The following KCNMB2 variants were observed in gnomAD, a reference collection of about 807,000 sequenced individuals.
The protein encoded by KCNMB2 is calcium-activated potassium channel subunit beta-2.
A neutral mutation model predicts 24.5 loss-of-function variants in KCNMB2; 9 were observed. The ratio of observed to expected loss-of-function variants is 0.37; its 90% CI spans 0.22 to 0.64. The LOEUF is 0.64. Among genes scored for constraint, KCNMB2 ranks in the 30% least tolerant of loss-of-function variants. KCNMB2 has a pLI of 0.63. For synonymous variants in KCNMB2, 109 were observed against 104.4 expected (o/e 1.04, Z -0.27); for missense variants, 226 against 284.3 (o/e 0.79, Z 1.47).
At chr3:178,784,164 T>C (rs139421808) in intron 1 of KCNMB2, among the ~76,000 whole-genome samples, 136 of 152,324 alleles carry the variant, frequency 8.9e-4, no homozygotes, top group African/African-American at 3.0e-3. Context: ...ACCAAATCTG[T>C]TCTTTTGGGA....
chr3:178,729,299 C>T (rs6763051), intron 1 of KCNMB2: 73,829 of 151,814 alleles, frequency 0.49, 18,422 homozygotes, highest in African/African-American at 0.61. Context: ...CTGGGCTGTG[C>T]TTCATGTACC....
At chr3:178,805,488 G>A (rs1224465564) in intron 1 of KCNMB2, among the ~76,000 whole-genome samples, 1 of 152,182 alleles carries the variant, frequency 6.6e-6, no homozygotes, top group Non-Finnish European at 1.5e-5. Context: ...CACTTATTAT[G>A]AGTGCATGCT....
chr3:178,733,678 G>C (rs1305929753), intron 1 of KCNMB2, among the ~76,000 whole-genome samples: 1 of 151,788 alleles, frequency 6.6e-6, no homozygotes, highest in Non-Finnish European at 1.5e-5. Flanking sequence ...ATGGGGTTTC[G>C]CCATGTTAGC....
chr3:178,540,016 T>C (rs1477564694), intron 1 of KCNMB2, among the ~76,000 whole-genome samples: 1 of 152,172 alleles, frequency 6.6e-6, no homozygotes, highest in Non-Finnish European at 1.5e-5. Context: ...TACTTACATA[T>C]CCAACTACCT....
At chr3:178,706,453 G>A (rs1298009569) in intron 1 of KCNMB2, among the ~76,000 whole-genome samples, 1 of 152,068 alleles carries the variant, frequency 6.6e-6, no homozygotes, top group African/African-American at 2.4e-5. Flanking sequence ...CACATTTGGA[G>A]CATTTAGAAG....
At chr3:178,601,147 G>C (rs1382389794) in intron 1 of KCNMB2, among the ~76,000 whole-genome samples, 1 of 126,552 alleles carries the variant, frequency 7.9e-6, no homozygotes, top group Non-Finnish European at 1.6e-5. Context: ...TGAACAATGA[G>C]AACATATGGG....
rs1714025174 is a variant in KCNMB2 at position 178,807,575 on chromosome 3, G to C, written c.56+110G>C. On this transcript the variant is annotated intron_variant, in intron 2 of 4. Transcript: ENST00000452583. ...ACTGAGCCTTATGCTTTGCAATGTG[G>C]GGACAGACTCTACAGTACAGGAGTA... The C allele has an allele frequency of 5.6e-6, 5 of 889,598 alleles. No individual in the cohort carries two copies. In the South Asian group the frequency reaches 7.2e-5, roughly 13 times the overall value. 55.1% of individuals were successfully genotyped at this position (889,598 alleles called of 1,614,324 possible).
chr3:178,649,443 C>A (rs1195890247), intron 1 of KCNMB2, among the ~76,000 whole-genome samples: 1 of 151,766 alleles, frequency 6.6e-6, no homozygotes, highest in Non-Finnish European at 1.5e-5. Flanking sequence ...CCAACATCAT[C>A]TATAGAATTT....
rs151253820 is a variant in KCNMB2 at position 178,651,118 on chromosome 3, G to T, written c.-68+114407G>T. ...CAAATAGGAAGAGAGGAAGTCAAAT[G>T]GTCTCTGTTTGAAGATGACATGATT... On this transcript the variant is annotated intron_variant, in intron 1 of 4. Transcript: ENST00000452583. Among the ~76,000 whole-genome samples the T allele has an allele frequency of 4.5e-3, 681 of 151,886 alleles. 6 individuals are homozygous for T. Among genetic ancestry groups the T allele is most frequent in the African/African-American group, 0.016 (651 of 41,414 alleles).
At chr3:178,698,444 C>A (rs2108337069) in intron 1 of KCNMB2, among the ~76,000 whole-genome samples, 1 of 152,232 alleles carries the variant, frequency 6.6e-6, no homozygotes, top group Admixed American at 6.5e-5. Context: ...TTATTAAATT[C>A]TTGTGTTTTT....
intron 1 of KCNMB2, among the ~76,000 whole-genome samples, chr3:178,583,236 A>T (rs1387690718): frequency 6.6e-6 from 1 of 152,186 alleles, no homozygotes; most frequent in Non-Finnish European, 1.5e-5. Context: ...AAAAATTGCT[A>T]ATATACTTAT....
At chr3:178,571,285 C>G (rs1300338534) in intron 1 of KCNMB2, among the ~76,000 whole-genome samples, 1 of 150,120 alleles carries the variant, frequency 6.7e-6, no homozygotes, top group Non-Finnish European at 1.5e-5. Context: ...TGTTGTTGTT[C>G]TTTTACCACA....
At chr3:178,605,711 T>C (rs187594905) in intron 1 of KCNMB2, among the ~76,000 whole-genome samples, 48 of 152,310 alleles carry the variant, frequency 3.2e-4, no homozygotes, top group Middle Eastern at 6.8e-3. Context: ...TGATCTTTTT[T>C]ATAAAGTGGC....
At chr3:178,650,779 C>T (rs555275033) in intron 1 of KCNMB2, among the ~76,000 whole-genome samples, 1 of 152,160 alleles carries the variant, frequency 6.6e-6, no homozygotes, top group East Asian at 1.9e-4. Context: ...ATACGTAATC[C>T]ATCACATAAA....
chr3:178,645,757 G>C (rs890059280), intron 1 of KCNMB2, among the ~76,000 whole-genome samples: 1 of 152,218 alleles, frequency 6.6e-6, no homozygotes, highest in Non-Finnish European at 1.5e-5. Flanking sequence ...ACAGCAGGCA[G>C]TTGGAGGCTG....
At chr3:178,578,939 C>T (rs923783983) in intron 1 of KCNMB2, among the ~76,000 whole-genome samples, 3 of 151,940 alleles carry the variant, frequency 2.0e-5, no homozygotes, top group Non-Finnish European at 2.9e-5. Flanking sequence ...ACTTTAACAC[C>T]CCACCGTCAA....
At chr3:178,794,664 G>A (rs769170348) in intron 1 of KCNMB2, among the ~76,000 whole-genome samples, 1 of 152,228 alleles carries the variant, frequency 6.6e-6, no homozygotes, top group African/African-American at 2.4e-5. Context: ...TGAGCACTAA[G>A]ACGACTCAGC....
intron 1 of KCNMB2, among the ~76,000 whole-genome samples, chr3:178,716,572 T>A (rs544187325): frequency 6.6e-6 from 1 of 151,508 alleles, no homozygotes; most frequent in Non-Finnish European, 1.5e-5. Context: ...GCTTCCGGAG[T>A]AGCTGGGATT....
intron 1 of KCNMB2, among the ~76,000 whole-genome samples, chr3:178,800,538 T>G (rs1713734224): frequency 6.6e-6 from 1 of 151,994 alleles, no homozygotes; most frequent in African/African-American, 2.4e-5. Context: ...CAAATGCTAG[T>G]GAGGATGTGG....
Sources: allele counts gnomAD v4.1 joint callset (sites outside exome capture counted in the v4.1 genomes callset), GRCh38; gene constraint gnomAD v4.1.1; transcripts MANE v1.5; gene names NCBI Gene and HGNC (gene_info 2026-07-23, HGNC 2026-07-21).